Variants in SKAP1 observed in about 807,000 individuals in gnomAD.
SKAP1 encodes src kinase associated phosphoprotein 1, also known as src kinase-associated phosphoprotein 1.
A neutral mutation model predicts 58.5 loss-of-function variants in SKAP1; 44 were observed. The observed-to-expected ratio is 0.75, with a 90% CI of 0.59 to 0.97. The LOEUF is 0.97. SKAP1 is among the 50% of genes least tolerant of loss of function. The probability of loss-of-function intolerance (pLI) is 0.00; values close to 1 mark genes in which losing one functional copy is unlikely to be tolerated. For missense variants in SKAP1, 390 were observed against 435.2 expected, an observed-to-expected ratio of 0.90 and a Z score of 0.92; for synonymous variants, 127 against 149.7, an observed-to-expected ratio of 0.85 and a Z score of 1.11.
chr17:48,238,709 C>G (rs544513404), intron 4 of SKAP1, among the ~76,000 whole-genome samples: 1 of 152,296 alleles, frequency 6.6e-6, no homozygotes, highest in South Asian at 2.1e-4. Flanking sequence ...AAAAAACAGA[C>G]TTTGCTTCAT....
intron 4 of SKAP1, among the ~76,000 whole-genome samples, chr17:48,247,212 G>C (rs998472833): frequency 1.3e-5 from 2 of 152,172 alleles, no homozygotes; most frequent in Non-Finnish European, 2.9e-5. Context: ...AAAGAAGTAG[G>C]AGACCAAACC....
rs79864944 is a variant in SKAP1 at position 48,220,450 on chromosome 17, A to G, written c.281-30950T>C. 4.2e-3 allele frequency among the ~76,000 whole-genome samples: 641 copies of G among 152,352 alleles called. 1 individual carries two copies. The highest frequency in any genetic ancestry group is 7.2e-3 in the Non-Finnish European group (489 of 68,024). The stretch of plus-strand genomic sequence containing the variant: ...AAATGAAAGAGTCCAGACACACAAA[A>G]GTATATATAGTATGAATCTGTTCAT... On this transcript the variant is annotated intron_variant, in intron 4 of 12. Coordinates refer to ENST00000336915, the MANE Select transcript of SKAP1 (RefSeq NM_003726.4).
At chr17:48,139,427 C>T (rs1454780940) in intron 11 of SKAP1, among the ~76,000 whole-genome samples, 1 of 152,064 alleles carries the variant, frequency 6.6e-6, no homozygotes, top group Non-Finnish European at 1.5e-5. Context: ...GTCATCCACC[C>T]GCCGCAGCCT....
At chr17:48,342,919 A>T (rs1288212088) in intron 4 of SKAP1, among the ~76,000 whole-genome samples, 4 of 152,086 alleles carry the variant, frequency 2.6e-5, no homozygotes, top group Admixed American at 2.6e-4. Flanking sequence ...CAGGAGGCAG[A>T]GTTTGCAGTG....
chr17:48,334,713 AAT>A (rs2066546811), intron 4 of SKAP1, among the ~76,000 whole-genome samples: 1 of 151,878 alleles, frequency 6.6e-6, no homozygotes, highest in Non-Finnish European at 1.5e-5. Context: ...ATTTTTTAAA[AAT>A]ACATACAAAT....
At chr17:48,354,903 T>TTC (rs1200403486) in intron 3 of SKAP1, among the ~76,000 whole-genome samples, 1 of 152,238 alleles carries the variant, frequency 6.6e-6, no homozygotes. Context: ...GACTACACTT[T>TTC]TCTCTCAATA....
intron 4 of SKAP1, among the ~76,000 whole-genome samples, chr17:48,328,005 T>C (rs1320652799): frequency 6.6e-6 from 1 of 152,136 alleles, no homozygotes; most frequent in East Asian, 1.9e-4. Flanking sequence ...ATGTCCATAA[T>C]TATCACCACA....
At chr17:48,326,889 CTTTT>C (rs35868072) in intron 4 of SKAP1, among the ~76,000 whole-genome samples, 3 of 121,606 alleles carry the variant, frequency 2.5e-5, no homozygotes, top group Admixed American at 8.5e-5. Flanking sequence ...TTCTTTCTTT[CTTTT>C]TTTTTTTTTT....
chr17:48,237,680 G>A (rs755964349), intron 4 of SKAP1, among the ~76,000 whole-genome samples: 2 of 152,214 alleles, frequency 1.3e-5, no homozygotes, highest in Non-Finnish European at 2.9e-5. Flanking sequence ...ACAAAGAGGT[G>A]ATGAGAACTT....
At chr17:48,385,475 A>C (rs1327955200) in intron 2 of SKAP1, among the ~76,000 whole-genome samples, 1 of 152,176 alleles carries the variant, frequency 6.6e-6, no homozygotes, top group African/African-American at 2.4e-5. Flanking sequence ...AAGAAAGAGG[A>C]AGTCTCTACA....
At chr17:48,269,256 C>T (rs1367560059) in intron 4 of SKAP1, among the ~76,000 whole-genome samples, 3 of 151,994 alleles carry the variant, frequency 2.0e-5, no homozygotes, top group African/African-American at 7.2e-5. Flanking sequence ...GAAGAAAGGA[C>T]ATTTTAAGTT....
intron 4 of SKAP1, among the ~76,000 whole-genome samples, chr17:48,276,075 A>C (rs1284327444): frequency 6.6e-6 from 1 of 152,184 alleles, no homozygotes; most frequent in Non-Finnish European, 1.5e-5. Context: ...AATGTCTTAA[A>C]AAATAAAGCC....
intron 4 of SKAP1, among the ~76,000 whole-genome samples, chr17:48,266,155 T>TAC (rs1180499773): frequency 3.3e-5 from 5 of 151,484 alleles, no homozygotes; most frequent in Admixed American, 6.6e-5. Context: ...CACACACACA[T>TAC]ACACACACAC....
intron 11 of SKAP1, among the ~76,000 whole-genome samples, chr17:48,141,754 T>G (rs1001087563): frequency 1.3e-5 from 2 of 152,172 alleles, no homozygotes; most frequent in African/African-American, 4.8e-5. Flanking sequence ...GTTACTCACC[T>G]CCTAGATTTA....
At chr17:48,190,917 G>A (rs926661509) in intron 4 of SKAP1, among the ~76,000 whole-genome samples, 3 of 152,168 alleles carry the variant, frequency 2.0e-5, no homozygotes, top group African/African-American at 4.8e-5. Flanking sequence ...TGCGGGAGGC[G>A]GAGGTTGCAG....
chr17:48,327,690 G>A (rs2066456200), intron 4 of SKAP1, among the ~76,000 whole-genome samples: 1 of 152,180 alleles, frequency 6.6e-6, no homozygotes, highest in African/African-American at 2.4e-5. Flanking sequence ...GCACAGTGGT[G>A]CAATCTTGGC....
intron 2 of SKAP1, among the ~76,000 whole-genome samples, chr17:48,367,536 G>GTA (rs67346038): frequency 0.097 from 13,174 of 135,540 alleles, 933 homozygotes; most frequent in Admixed American, 0.17. Flanking sequence ...GTATGTGTGT[G>GTA]TATATATATA....
At chr17:48,323,139 G>A (rs184225986) in intron 4 of SKAP1, among the ~76,000 whole-genome samples, 4 of 151,466 alleles carry the variant, frequency 2.6e-5, no homozygotes, top group East Asian at 3.9e-4. Context: ...TAGAATGAAC[G>A]CTGGTAGACA....
Position 48,307,855 on chromosome 17 carries a change from A to G in SKAP1, c.280+38050T>C, listed in dbSNP as rs3803858. On this transcript the variant is annotated intron_variant, in intron 4 of 12. Transcript: ENST00000336915. ...CTACAGCTTCAGTGTTATTGTAGTT[A>G]TAGATTCTATTTATATCCCTTACCA... 114 of 152,330 alleles carry G rather than the reference A, an allele frequency of 7.5e-4. 1 individual carries two copies. In the East Asian group the frequency reaches 0.021, roughly 28 times the overall value. 9.4% of individuals were successfully genotyped at this position (152,330 alleles called of 1,614,324 possible). A position where few individuals can be genotyped will look rare whatever the true frequency, so the allele number is the denominator to read the frequency against.
Sources: gnomAD v4.1 joint callset for allele counts (sites outside exome capture counted in the v4.1 genomes callset) on GRCh38, gnomAD v4.1.1 for gene constraint, MANE v1.5 for transcripts, NCBI Gene and HGNC (gene_info 2026-07-23, HGNC 2026-07-21) for gene names.